The following PREX2 variants were observed in gnomAD, a reference collection of about 807,000 sequenced individuals.
PREX2 encodes the protein phosphatidylinositol-3,4,5-trisphosphate dependent Rac exchange factor 2, also known as phosphatidylinositol 3,4,5-trisphosphate-dependent Rac exchanger 2 protein.
Under a neutral mutation model 203.2 loss-of-function variants are expected in PREX2, and 107 were observed. That is an observed-to-expected ratio of 0.53 (90% CI 0.45 to 0.62). The LOEUF (loss-of-function observed/expected upper bound fraction) is 0.62, where lower values mean the gene tolerates loss of function less well. Among genes scored for constraint, PREX2 ranks in the 20% least tolerant of loss-of-function variants. The pLI, the probability that PREX2 is intolerant of heterozygous loss-of-function variation, is 0.00. For synonymous variants in PREX2, 672 were observed against 663.6 expected (o/e 1.01, Z -0.19); for missense variants, 1,777 against 1,955.9 (o/e 0.91, Z 1.72).
At chr8:67,985,602 C>T (rs1806393699) in intron 1 of PREX2, among the ~76,000 whole-genome samples, 1 of 152,152 alleles carries the variant, frequency 6.6e-6, no homozygotes, top group East Asian at 1.9e-4. Flanking sequence ...ATGATCATTT[C>T]TTCTGGGACA....
chr8:68,031,050 T>C (rs1807869212), intron 6 of PREX2, among the ~76,000 whole-genome samples: 1 of 152,162 alleles, frequency 6.6e-6, no homozygotes, highest in Non-Finnish European at 1.5e-5. Flanking sequence ...AGACTCTAAA[T>C]TAGGTGTTCA....
intron 25 of PREX2, 57 bp downstream of exon 25, chr8:68,109,680 G>A: frequency 6.9e-7 from 1 of 1,456,114 alleles, no homozygotes; most frequent in Non-Finnish European, 9.5e-7. Flanking sequence ...ATAAAAATGT[G>A]GCTTAGAAAA....
At chr8:68,068,412 C>T (rs1264417445) in intron 11 of PREX2, among the ~76,000 whole-genome samples, 1 of 151,854 alleles carries the variant, frequency 6.6e-6, no homozygotes, top group East Asian at 1.9e-4. Flanking sequence ...AAAAAATTAA[C>T]TGACATGTAA....
chr8:68,020,372 C>T (rs1807537301), intron 3 of PREX2, among the ~76,000 whole-genome samples: 1 of 150,602 alleles, frequency 6.6e-6, no homozygotes, highest in African/African-American at 2.4e-5. Flanking sequence ...CTACGTATAC[C>T]GTTACGCTGA....
At chr8:68,111,554 C>T (rs764989578) in intron 25 of PREX2, among the ~76,000 whole-genome samples, 2 of 152,092 alleles carry the variant, frequency 1.3e-5, no homozygotes, top group African/African-American at 2.4e-5. Context: ...GATTGTTTTT[C>T]ACTGAAGATT....
chr8:68,060,840 C>A, intron 11 of PREX2, 61 bp downstream of exon 11: 3 of 1,116,376 alleles, frequency 2.7e-6, no homozygotes, highest in African/African-American at 1.6e-5. Context: ...TATCTTAATC[C>A]CATTTATCAG....
At chr8:68,105,203 T>A (rs1563547941) in intron 23 of PREX2, 1 of 1,367,854 alleles carries the variant, frequency 7.3e-7, no homozygotes, top group Non-Finnish European at 9.8e-7. Flanking sequence ...ACAGTTTTGA[T>A]CTTCACAGTG....
intron 32 of PREX2, among the ~76,000 whole-genome samples, chr8:68,135,685 C>A (rs566837897): frequency 6.6e-6 from 1 of 152,140 alleles, no homozygotes; most frequent in East Asian, 1.9e-4. Flanking sequence ...AAAATATGAA[C>A]CACAGAGTTT....
At chr8:68,038,021 A>C (rs949562496) in intron 6 of PREX2, 138 bp from the exon 7 acceptor site, 9 of 853,208 alleles carry the variant, frequency 1.1e-5, no homozygotes, top group Non-Finnish European at 1.6e-5. Context: ...GTGTATAACT[A>C]TCTCTACTGC....
At chr8:68,108,398 A>G (rs112134025) in intron 24 of PREX2, 67 bp downstream of exon 24, 3 of 1,097,706 alleles carry the variant, frequency 2.7e-6, no homozygotes, top group South Asian at 1.4e-5. Flanking sequence ...CTATTCATGC[A>G]TCCCTGAAAT....
intron 35 of PREX2, among the ~76,000 whole-genome samples, chr8:68,186,485 C>T (rs979989910): frequency 9.9e-5 from 15 of 152,052 alleles, no homozygotes; most frequent in Admixed American, 3.3e-4. Context: ...GTTTTTCTAT[C>T]TTAGTTCTGC....
intron 1 of PREX2, among the ~76,000 whole-genome samples, chr8:67,972,721 C>G (rs1445852801): frequency 6.6e-6 from 1 of 152,130 alleles, no homozygotes; most frequent in Non-Finnish European, 1.5e-5. Context: ...TCATTTCTTA[C>G]CTTTGCATCC....
At chr8:68,191,865 C>T in intron 36 of PREX2, 77 bp downstream of exon 36, 1 of 998,234 alleles carries the variant, frequency 1.0e-6, no homozygotes, top group Non-Finnish European at 1.6e-6. Flanking sequence ...TGTTGTTCTG[C>T]AGAAAAATTA....
chr8:68,103,280 T>C (rs1269745506), intron 23 of PREX2, among the ~76,000 whole-genome samples: 1 of 152,126 alleles, frequency 6.6e-6, no homozygotes, highest in African/African-American at 2.4e-5. Flanking sequence ...ACAAAACTTC[T>C]ATAACCCCAT....
chr8:68,126,496 C>T (rs2129613234), intron 30 of PREX2, among the ~76,000 whole-genome samples: 1 of 152,138 alleles, frequency 6.6e-6, no homozygotes, highest in South Asian at 2.1e-4. Flanking sequence ...GCTTATTGTA[C>T]TTTGCTGCCT....
At chr8:68,128,126 C>T (rs1371554222) in intron 31 of PREX2, among the ~76,000 whole-genome samples, 1 of 152,170 alleles carries the variant, frequency 6.6e-6, no homozygotes, top group Non-Finnish European at 1.5e-5. Context: ...GAAAACTCAA[C>T]TACATGCCAT....
At chr8:68,189,560 A>G (rs889788008) in intron 35 of PREX2, among the ~76,000 whole-genome samples, 3 of 152,246 alleles carry the variant, frequency 2.0e-5, no homozygotes, top group South Asian at 4.1e-4. Context: ...CATCATGGAA[A>G]TAATCCCTCA....
At chr8:68,019,525 A>G (rs1368863133) in intron 2 of PREX2, 24 bp from the exon 3 acceptor site, 2 of 1,591,498 alleles carry the variant, frequency 1.3e-6, no homozygotes, top group Admixed American at 1.8e-5. Flanking sequence ...TACTGAGCTT[A>G]CTTACACATT....
chr8:68,212,456 G>C (rs143315263), intron 37 of PREX2, among the ~76,000 whole-genome samples: 3 of 152,128 alleles, frequency 2.0e-5, no homozygotes, highest in Non-Finnish European at 4.4e-5. Context: ...GGGGTCTGAA[G>C]TTAAGTAAAA....
Sources: gnomAD v4.1 joint callset for allele counts (sites outside exome capture counted in the v4.1 genomes callset) on GRCh38, gnomAD v4.1.1 for gene constraint, MANE v1.5 for transcripts, NCBI Gene and HGNC (gene_info 2026-07-23, HGNC 2026-07-21) for gene names.